ANKRD13C: variants seen among roughly 807,000 people sequenced by gnomAD.
ANKRD13C encodes ankyrin repeat domain-containing protein 13C.
ANKRD13C carries 16 observed loss-of-function variants against 65.5 expected under a neutral mutation model. That is an observed-to-expected ratio of 0.24 (90% CI 0.17 to 0.37). The LOEUF (loss-of-function observed/expected upper bound fraction) is 0.37, where lower values mean the gene tolerates loss of function less well. ANKRD13C is among the 10% of genes least tolerant of loss of function. ANKRD13C has a pLI of 1.00. For synonymous variants in ANKRD13C, 235 were observed against 238.7 expected (o/e 0.98, Z 0.14); for missense variants, 503 against 655.9 (o/e 0.77, Z 2.55).
intron 9 of ANKRD13C, among the ~76,000 whole-genome samples, chr1:70,279,783 A>G (rs185792804): frequency 6.6e-6 from 1 of 152,298 alleles, no homozygotes; most frequent in East Asian, 1.9e-4. Flanking sequence ...GATTACAGGC[A>G]TAAGCCACTG....
Position 70,262,822 on chromosome 1 carries a change from T to C in ANKRD13C, c.1521A>G (p.Thr507=). Residue 507 remains threonine, a synonymous_variant, in exon 13 of 13, where the codon ACA becomes ACG. Coordinates refer to ENST00000370944, the MANE Select transcript of ANKRD13C (RefSeq NM_030816.5). ...KLDIPVFPTI[T]ATVTFQEFRY... ...GAAACTCCTGAAAAGTCACAGTGGCTGTGATTGTGGGAAACACAGGTATAT... is the reference window on the plus strand; with the variant it reads ...GAAACTCCTGAAAAGTCACAGTGGCCGTGATTGTGGGAAACACAGGTATAT... 1.2e-6 allele frequency: 2 copies of C among 1,613,152 alleles called. No homozygotes were observed. The highest frequency in any genetic ancestry group is 8.5e-7 in the Non-Finnish European group (1 of 1,179,338).
chr1:70,298,381 C>T (rs34778519), intron 7 of ANKRD13C, among the ~76,000 whole-genome samples: 16,059 of 152,124 alleles, frequency 0.11, 1,060 homozygotes, highest in Non-Finnish European at 0.15. Flanking sequence ...ATTACTTATA[C>T]ATACATACAT....
At chr1:70,316,946 G>A (rs974776492) in intron 3 of ANKRD13C, among the ~76,000 whole-genome samples, 1 of 151,926 alleles carries the variant, frequency 6.6e-6, no homozygotes, top group Non-Finnish European at 1.5e-5. Context: ...TTAAAAATCA[G>A]TAAATTATTT....
chr1:70,354,432 G>T lies in ANKRD13C; in HGVS notation c.-24C>A, dbSNP rs1365710288. 17 of 1,597,126 alleles carry T rather than the reference G, an allele frequency of 1.1e-5. No homozygotes were observed. The highest frequency in any genetic ancestry group is 1.3e-5 in the African/African-American group (1 of 74,570). ...ATCGCCGCCGCCAGGGGCAAGGGGG[G>T]GAATCGGGAGGCTCACCGCTGGCGA... On this transcript the variant is annotated 5_prime_UTR_variant, in exon 1 of 13. Transcript: ENST00000370944.
chr1:70,313,887 C>T, intron 4 of ANKRD13C, 97 bp from the exon 5 acceptor site: 1 of 771,202 alleles, frequency 1.3e-6, no homozygotes, highest in Non-Finnish European at 2.2e-6. Flanking sequence ...ATAATACATG[C>T]ATTACTATAC....
At chr1:70,269,690 A>T (rs1479863383) in intron 12 of ANKRD13C, among the ~76,000 whole-genome samples, 1 of 151,832 alleles carries the variant, frequency 6.6e-6, no homozygotes, top group African/African-American at 2.4e-5. Context: ...GGGCAACTAG[A>T]GTGACATTTT....
intron 7 of ANKRD13C, among the ~76,000 whole-genome samples, chr1:70,297,688 G>A (rs1680150381): frequency 1.3e-5 from 2 of 150,138 alleles, no homozygotes; most frequent in African/African-American, 4.9e-5. Context: ...GGCCAAGGCA[G>A]GTGGATCACG....
At chr1:70,329,013 G>T (rs1164597066) in intron 2 of ANKRD13C, among the ~76,000 whole-genome samples, 2 of 151,924 alleles carry the variant, frequency 1.3e-5, no homozygotes, top group African/African-American at 4.8e-5. Flanking sequence ...TGAAAGAAAA[G>T]AAAAATATGG....
At chr1:70,311,588 T>C (rs888159807) in intron 5 of ANKRD13C, among the ~76,000 whole-genome samples, 19 of 152,138 alleles carry the variant, frequency 1.2e-4, no homozygotes, top group Middle Eastern at 3.2e-3. Flanking sequence ...ACACAAACAC[T>C]TTAGTAAGCA....
At chr1:70,337,968 G>A (rs1042092867) in intron 1 of ANKRD13C, among the ~76,000 whole-genome samples, 9 of 151,850 alleles carry the variant, frequency 5.9e-5, no homozygotes, top group Non-Finnish European at 1.2e-4. Context: ...GGGTGGTGGC[G>A]CATGCCTGTA....
At chr1:70,292,630 T>A in intron 8 of ANKRD13C, 81 bp from the exon 9 acceptor site, 1 of 1,010,522 alleles carries the variant, frequency 9.9e-7, no homozygotes, top group Non-Finnish European at 1.4e-6. Flanking sequence ...CATAAATATG[T>A]AACATGTAGG....
At chr1:70,276,996 G>A (rs945046063) in intron 9 of ANKRD13C, 152 bp from the exon 10 acceptor site, 38 of 610,012 alleles carry the variant, frequency 6.2e-5, no homozygotes, top group Non-Finnish European at 8.6e-5. Flanking sequence ...TTCCAAGATC[G>A]TTCCATGGTG....
chr1:70,274,257 T>C (rs1374778760), intron 11 of ANKRD13C, among the ~76,000 whole-genome samples: 2 of 151,534 alleles, frequency 1.3e-5, no homozygotes, highest in Non-Finnish European at 2.9e-5. Context: ...GTGGATCACC[T>C]GAGGTCAGGA....
At chr1:70,292,642 G>A (rs1168104452) in intron 8 of ANKRD13C, 93 bp from the exon 9 acceptor site, 5 of 889,078 alleles carry the variant, frequency 5.6e-6, no homozygotes, top group African/African-American at 1.7e-5. Flanking sequence ...ACATGTAGGT[G>A]AAAATAAATA....
In ANKRD13C at chr1:70,295,979, C is replaced by T. The variant is rs567155615; in HGVS notation, c.1053+151G>A. On this transcript the variant is annotated intron_variant, in intron 8 of 12. Transcript: ENST00000370944. Reference sequence around the variant, plus strand: ...AGGACACATTCTGACTCTAACCATCCATTATAATTCCTTATCTGGATTCAA... The same window carrying T: ...AGGACACATTCTGACTCTAACCATCTATTATAATTCCTTATCTGGATTCAA... 4.0e-5 allele frequency: 32 copies of T among 796,672 alleles called. No individual in the cohort carries two copies. The African/African-American group carries it at 5.6e-4, about 14-fold the overall frequency. The allele number at this position is 796,672 out of a possible 1,614,324, so 49.4% of individuals were successfully genotyped here.
intron 2 of ANKRD13C, among the ~76,000 whole-genome samples, chr1:70,332,189 A>G (rs1681847557): frequency 6.6e-6 from 1 of 152,224 alleles, no homozygotes; most frequent in East Asian, 1.9e-4. Flanking sequence ...TACTTGTAAA[A>G]AAGAGCAAAC....
chr1:70,293,445 T>A, intron 8 of ANKRD13C: 1 of 570,686 alleles, frequency 1.8e-6, no homozygotes, highest in Non-Finnish European at 2.2e-6. Flanking sequence ...AGCAAAGCAT[T>A]CTGCACCTGT....
At chr1:70,325,749 C>T (rs888965943) in intron 2 of ANKRD13C, among the ~76,000 whole-genome samples, 2 of 151,960 alleles carry the variant, frequency 1.3e-5, no homozygotes, top group African/African-American at 2.4e-5. Context: ...CATGGTGGTA[C>T]GTGCCTGTAG....
At chr1:70,298,878 T>C (rs562619070) in intron 7 of ANKRD13C, among the ~76,000 whole-genome samples, 9 of 152,320 alleles carry the variant, frequency 5.9e-5, no homozygotes, top group Admixed American at 1.3e-4. Flanking sequence ...CCCACAAATA[T>C]ATTTTAATAT....
Sources: allele counts gnomAD v4.1 joint callset (sites outside exome capture counted in the v4.1 genomes callset), GRCh38; gene constraint gnomAD v4.1.1; transcripts MANE v1.5; gene names NCBI Gene and HGNC (gene_info 2026-07-23, HGNC 2026-07-21).